Variants in EPG5 observed in about 807,000 individuals in gnomAD.
The protein encoded by EPG5 is ectopic P-granules 5 autophagy tethering factor, also known as ectopic P granules protein 5 homolog.
A neutral mutation model predicts 302.7 loss-of-function variants in EPG5; 159 were observed. The ratio of observed to expected loss-of-function variants is 0.53; its 90% CI spans 0.46 to 0.60. EPG5 has a LOEUF of 0.60. Ranked by LOEUF, EPG5 falls within the 20% of genes least tolerant of loss-of-function variation. The pLI is 0.00. For synonymous variants in EPG5, 1,158 were observed against 1,136.8 expected (o/e 1.02, Z -0.37); for missense variants, 2,896 against 3,092.4 (o/e 0.94, Z 1.51).
chr18:45,953,066 G>A (rs534159837), intron 2 of EPG5, among the ~76,000 whole-genome samples: 5 of 152,020 alleles, frequency 3.3e-5, no homozygotes, highest in African/African-American at 7.2e-5. Flanking sequence ...CCAGCTACTC[G>A]GGAGGCTGAA....
At chr18:45,912,199 A>G in intron 22 of EPG5, 91 bp downstream of exon 22, 3 of 1,206,846 alleles carry the variant, frequency 2.5e-6, no homozygotes, top group Admixed American at 5.7e-5. Context: ...AATGATTCCA[A>G]CTCACACTCC....
chr18:45,911,801 A>G (rs1323798481), intron 22 of EPG5, among the ~76,000 whole-genome samples: 2 of 152,224 alleles, frequency 1.3e-5, no homozygotes, highest in African/African-American at 4.8e-5. Context: ...GCTAGAGAGC[A>G]ATGGTTCGTA....
chr18:45,878,898 A>G (rs759384947), intron 33 of EPG5, 115 bp downstream of exon 33: 7 of 791,818 alleles, frequency 8.8e-6, no homozygotes, highest in Admixed American at 4.9e-5. Flanking sequence ...CCTGTTCTAT[A>G]TATTTCTACT....
chr18:45,873,762 G>A (rs1295029827), intron 35 of EPG5, among the ~76,000 whole-genome samples: 1 of 152,054 alleles, frequency 6.6e-6, no homozygotes, highest in African/African-American at 2.4e-5. Context: ...TAACATTTCT[G>A]TTATTCTATG....
In EPG5 at chr18:45,887,915, A is replaced by G; in HGVS notation, c.4953-8T>C. The G allele has an allele frequency of 6.5e-7, 1 of 1,543,222 alleles. No homozygotes were observed. The highest frequency in any genetic ancestry group is 8.8e-7 in the Non-Finnish European group (1 of 1,130,970). On this transcript the variant is annotated splice_polypyrimidine_tract_variant and splice_region_variant and intron_variant, in intron 28 of 43. Transcript: ENST00000282041. ...TAGGCATTCACTAAGGCCCTGTGGGAAAATGTGGGTAAGACTGCAGTCTAC... is the reference window on the plus strand; with the variant it reads ...TAGGCATTCACTAAGGCCCTGTGGGGAAATGTGGGTAAGACTGCAGTCTAC...
At chr18:45,905,517 T>C (rs1745453036) in intron 24 of EPG5, among the ~76,000 whole-genome samples, 2 of 152,230 alleles carry the variant, frequency 1.3e-5, no homozygotes, top group African/African-American at 4.8e-5. Context: ...GATCCTCCTA[T>C]TGCATACATG....
At chr18:45,822,000 C>T in the EPG5 span, among the ~76,000 whole-genome samples, 1 of 152,234 alleles carries the variant, frequency 6.6e-6, no homozygotes, top group Non-Finnish European at 1.5e-5. Context: ...GGAGGTTCCT[C>T]AAAAACTACA....
At chr18:45,923,652 C>T (rs1172202573) in intron 14 of EPG5, among the ~76,000 whole-genome samples, 1 of 152,216 alleles carries the variant, frequency 6.6e-6, no homozygotes, top group African/African-American at 2.4e-5. Flanking sequence ...TGTCATCCCC[C>T]ATTCCACCCA....
chr18:45,868,740 G>A (rs1195094010), intron 36 of EPG5, among the ~76,000 whole-genome samples: 2 of 150,740 alleles, frequency 1.3e-5, no homozygotes, highest in African/African-American at 4.9e-5. Context: ...AATTTTTGAT[G>A]ACTGCATGTT....
chr18:45,920,322 A>G (rs1343550054), intron 16 of EPG5, among the ~76,000 whole-genome samples: 3 of 152,238 alleles, frequency 2.0e-5, no homozygotes, highest in Admixed American at 1.3e-4. Flanking sequence ...CAGAATGTAC[A>G]GGGGCTGCAG....
chr18:45,923,430 T>G (rs1599580774), intron 14 of EPG5, 43 bp from the exon 15 acceptor site: 1 of 1,593,188 alleles, frequency 6.3e-7, no homozygotes, highest in Admixed American at 1.8e-5. Flanking sequence ...ACCTTGGTTT[T>G]GTTTTGTTTT....
At position 45,901,119 on chromosome 18, in the gene EPG5, G is replaced by A. The variant is rs1462381114; in HGVS notation, c.4523C>T (p.Pro1508Leu). ...CTTCGTCGGGTGCAGAGCAAGGGGAGGCTGGGGAGCCTCATGCTTCCGCAA... is the reference window on the plus strand; with the variant it reads ...CTTCGTCGGGTGCAGAGCAAGGGGAAGCTGGGGAGCCTCATGCTTCCGCAA... ...SNLRKHEAPQ[P>L]PLALHPTKPP... The change falls in exon 26 of 44, where the codon CCT becomes CTT. Residue 1508 changes from proline (P) to leucine (L), a missense_variant. Transcript: ENST00000282041. 11 of 1,614,144 alleles carry A rather than the reference G, an allele frequency of 6.8e-6. No homozygotes were observed. Among genetic ancestry groups the A allele is most frequent in the Non-Finnish European group, 9.3e-6 (11 of 1,180,030 alleles).
chr18:45,947,653 G>C (rs2050815276), intron 6 of EPG5, among the ~76,000 whole-genome samples: 1 of 152,096 alleles, frequency 6.6e-6, no homozygotes, highest in Admixed American at 6.5e-5. Flanking sequence ...CTTTGCTTCA[G>C]CCACACTGAT....
At chr18:45,948,074 C>T (rs2050825583) in intron 6 of EPG5, among the ~76,000 whole-genome samples, 1 of 152,180 alleles carries the variant, frequency 6.6e-6, no homozygotes, top group Non-Finnish European at 1.5e-5. Flanking sequence ...CATGCCCAGT[C>T]CAATCCATTC....
intron 7 of EPG5, 57 bp from the exon 8 acceptor site, chr18:45,944,176 T>C: frequency 9.2e-7 from 1 of 1,091,456 alleles, no homozygotes; most frequent in Non-Finnish European, 1.4e-6. Context: ...CACTATGATC[T>C]AGCGTTACAG....
At chr18:45,883,813 G>A (rs2049159251) in intron 30 of EPG5, among the ~76,000 whole-genome samples, 1 of 150,716 alleles carries the variant, frequency 6.6e-6, no homozygotes, top group Non-Finnish European at 1.5e-5. Flanking sequence ...TGAAGGCAAA[G>A]TAGCTAAGAC....
intron 43 of EPG5, among the ~76,000 whole-genome samples, chr18:45,853,152 A>T (rs764992027): frequency 2.0e-5 from 3 of 152,208 alleles, no homozygotes; most frequent in African/African-American, 4.8e-5. Flanking sequence ...CTAGGTTATG[A>T]GATAATGTTA....
At chr18:45,898,765 G>A (rs1363466689) in intron 27 of EPG5, among the ~76,000 whole-genome samples, 5 of 152,122 alleles carry the variant, frequency 3.3e-5, no homozygotes, top group African/African-American at 9.7e-5. Flanking sequence ...CCTAGCCACC[G>A]ACCCCTAAAT....
In EPG5 at chr18:45,851,416, CG is replaced by C. The variant is rs1000883414; in HGVS notation, c.*1050del. ...AATGAACTGTCAACAACAGAAGGCA[CG>C]TGGCTATGGAAAAAAAGCCAAATTT... is the stretch of plus-strand genomic sequence containing the variant. On this transcript the variant is annotated 3_prime_UTR_variant, in exon 44 of 44. Coordinates refer to ENST00000282041, the MANE Select transcript of EPG5 (RefSeq NM_020964.3). The C allele has an allele frequency of 6.6e-6, 1 of 152,126 alleles. No homozygotes were observed. Among genetic ancestry groups the C allele is most frequent in the African/African-American group, 2.4e-5 (1 of 41,428 alleles). The allele number at this position is 152,126 out of a possible 1,614,324, so 9.4% of individuals were successfully genotyped here. A position where few individuals can be genotyped will look rare whatever the true frequency, so the allele number is the denominator to read the frequency against.
Sources: gnomAD v4.1 joint callset for allele counts (sites outside exome capture counted in the v4.1 genomes callset) on GRCh38, gnomAD v4.1.1 for gene constraint, MANE v1.5 for transcripts, NCBI Gene and HGNC (gene_info 2026-07-23, HGNC 2026-07-21) for gene names.